The following CFAP77 variants were observed in gnomAD, a reference collection of about 807,000 sequenced individuals.
CFAP77 encodes cilia- and flagella-associated protein 77.
CFAP77 carries 25 observed loss-of-function variants against 31.1 expected under a neutral mutation model. The observed-to-expected ratio is 0.80, with a 90% CI of 0.59 to 1.12. The LOEUF (loss-of-function observed/expected upper bound fraction) is 1.12. Ranked by LOEUF, CFAP77 falls within the 50% of genes most tolerant of loss-of-function variation. The pLI is 0.00. For synonymous variants in CFAP77, 151 were observed against 159.9 expected (o/e 0.94, Z 0.42); for missense variants, 377 against 397.3 (o/e 0.95, Z 0.44).
chr9:132,475,851 G>T (rs1724802301), intron 1 of CFAP77, among the ~76,000 whole-genome samples: 1 of 152,140 alleles, frequency 6.6e-6, no homozygotes, highest in Non-Finnish European at 1.5e-5. Context: ...TTCCCAAACT[G>T]CAGTACTGAT....
intron 5 of CFAP77, among the ~76,000 whole-genome samples, chr9:132,543,754 G>C (rs1387374342): frequency 2.0e-5 from 3 of 152,210 alleles, no homozygotes; most frequent in Non-Finnish European, 4.4e-5. Context: ...TAAGGACCCA[G>C]GGAACACGCC....
intron 1 of CFAP77, among the ~76,000 whole-genome samples, chr9:132,491,032 G>C (rs1851645442): frequency 6.6e-6 from 1 of 152,094 alleles, no homozygotes. Context: ...CCCTGCGAGG[G>C]TGTGTGTTGG....
Position 132,552,256 on chromosome 9 carries a change from T to C in CFAP77, c.732+9209T>C, listed in dbSNP as rs1293729060. ...AGAGGACCAAGTGCAATCATGCGTG[T>C]GAAGCGCGTGGCACAGGCCTGGCTA... is the stretch of plus-strand genomic sequence containing the variant. On this transcript the variant is annotated intron_variant, in intron 5 of 5. Coordinates refer to ENST00000393216, the MANE Select transcript of CFAP77 (RefSeq NM_001282957.2). This position sits in a 1 kb window ranked among gnomAD's most constrained non-coding sequence, Gnocchi z 5.5. 6.6e-6 allele frequency among the ~76,000 whole-genome samples: 1 copy of C among 152,188 alleles called. No homozygotes were observed. The highest frequency in any genetic ancestry group is 2.4e-5 in the African/African-American group (1 of 41,450).
chr9:132,457,285 C>T (rs1247137460), intron 1 of CFAP77, among the ~76,000 whole-genome samples: 5 of 122,516 alleles, frequency 4.1e-5, no homozygotes, highest in Admixed American at 1.9e-4. Context: ...GACAGGCGGC[C>T]GCATCTTAAG....
intron 3 of CFAP77, among the ~76,000 whole-genome samples, chr9:132,535,845 T>C (rs991412530): frequency 3.3e-5 from 5 of 152,192 alleles, no homozygotes; most frequent in Non-Finnish European, 7.3e-5. Flanking sequence ...GCTAATCCTT[T>C]CTCTTTAATT....
rs750207490 is a variant in CFAP77, at chr9:132,511,420, A to G, written c.524+11820A>G. ...GCCACCCTGTGTGGCCACTGCCTGC[A>G]GACCTGAGCATCTCCCCCACCAGAC... On this transcript the variant is annotated intron_variant, in intron 3 of 5. Transcript: ENST00000393216. The surrounding 1 kb of genome is among the most constrained non-coding windows in gnomAD (Gnocchi z 5.8). Among the ~76,000 whole-genome samples, 1 of 152,230 alleles carries G rather than the reference A, an allele frequency of 6.6e-6. No homozygotes were observed. Among genetic ancestry groups the G allele is most frequent in the Non-Finnish European group, 1.5e-5 (1 of 68,042 alleles).
chr9:132,553,653 C>T (rs1042203828), intron 5 of CFAP77, among the ~76,000 whole-genome samples: 2 of 152,168 alleles, frequency 1.3e-5, no homozygotes, highest in African/African-American at 4.8e-5. Context: ...TCTTCATAGA[C>T]AACCAGGGTC....
At chr9:132,509,845 T>C (rs1852001573) in intron 3 of CFAP77, among the ~76,000 whole-genome samples, 1 of 151,830 alleles carries the variant, frequency 6.6e-6, no homozygotes, top group African/African-American at 2.4e-5. Context: ...GCCCCCATCT[T>C]TTCCCCCTTC....
intron 1 of CFAP77, among the ~76,000 whole-genome samples, chr9:132,432,167 G>A (rs1850421711): frequency 6.6e-6 from 1 of 152,164 alleles, no homozygotes; most frequent in Non-Finnish European, 1.5e-5. Flanking sequence ...TTGGCCCAGA[G>A]TCCTCTCTTA....
Position 132,480,895 on chromosome 9 carries a change from G to T in CFAP77, c.196-17800G>T, listed in dbSNP as rs1043434724. 6.6e-6 allele frequency among the ~76,000 whole-genome samples: 1 copy of T among 152,150 alleles called. No individual in the cohort carries two copies. The highest frequency in any genetic ancestry group is 1.5e-5 in the Non-Finnish European group (1 of 68,026). ...TAAGATGAGGCCAAGGCTAGGAGCA[G>T]AGGTGCCCCCATTGTGGTCCGGGGG... On this transcript the variant is annotated intron_variant, in intron 1 of 5. Coordinates refer to ENST00000393216, the MANE Select transcript of CFAP77 (RefSeq NM_001282957.2). This position sits in a 1 kb window ranked among gnomAD's most constrained non-coding sequence, Gnocchi z 5.8.
In CFAP77 at chr9:132,410,424, G is replaced by C; in HGVS notation, c.153G>C (p.Gly51=). ...IRSGMENERL[G]VVRDSMFQNP... ...CCGGCATGGAGAACGAGCGGCTGGGGGTCGTGCGGGACTCCATGTTTCAGA... is the reference window on the plus strand; with the variant it reads ...CCGGCATGGAGAACGAGCGGCTGGGCGTCGTGCGGGACTCCATGTTTCAGA... Residue 51 remains glycine (G), a synonymous_variant, in exon 1 of 6, where the codon GGG becomes GGC. Transcript: ENST00000393216. 1.3e-6 allele frequency: 2 copies of C among 1,599,426 alleles called. No individual in the cohort carries two copies. Among genetic ancestry groups the C allele is most frequent in the Non-Finnish European group, 1.7e-6 (2 of 1,174,516 alleles).
intron 1 of CFAP77, among the ~76,000 whole-genome samples, chr9:132,482,911 C>A (rs1019613085): frequency 6.7e-6 from 1 of 149,414 alleles, no homozygotes; most frequent in Non-Finnish European, 1.5e-5. Context: ...ATGTAACTAA[C>A]CTGCACATTG....
intron 1 of CFAP77, among the ~76,000 whole-genome samples, chr9:132,459,718 C>T (rs1044616322): frequency 4.8e-5 from 7 of 146,664 alleles, no homozygotes; most frequent in Non-Finnish European, 7.5e-5. Flanking sequence ...GTGTGTTTAC[C>T]TGTATGTATG....
chr9:132,516,574 T>C (rs894332067), intron 3 of CFAP77, among the ~76,000 whole-genome samples: 3 of 140,986 alleles, frequency 2.1e-5, no homozygotes, highest in African/African-American at 8.3e-5. Flanking sequence ...CAACACATGA[T>C]TAAACCACAC....
chr9:132,427,623 AC>A (rs1421958330), intron 1 of CFAP77, among the ~76,000 whole-genome samples: 1 of 152,112 alleles, frequency 6.6e-6, no homozygotes, highest in Non-Finnish European at 1.5e-5. Flanking sequence ...TCAAAAAAAA[AC>A]AACAACAAAA....
intron 1 of CFAP77, among the ~76,000 whole-genome samples, chr9:132,457,234 C>T (rs1242512143): frequency 2.0e-5 from 3 of 150,564 alleles, no homozygotes; most frequent in Non-Finnish European, 4.4e-5. Context: ...CCTGAGGACT[C>T]GCTCCCACGC....
intron 3 of CFAP77, among the ~76,000 whole-genome samples, chr9:132,518,538 T>C (rs932622574): frequency 1.3e-5 from 2 of 152,152 alleles, no homozygotes; most frequent in Non-Finnish European, 2.9e-5. Flanking sequence ...GGAGTCTCCA[T>C]CCTCCCTTCC....
intron 5 of CFAP77, among the ~76,000 whole-genome samples, chr9:132,553,266 C>T (rs1852850001): frequency 6.6e-6 from 1 of 152,170 alleles, no homozygotes. Flanking sequence ...CCCCAAGAGC[C>T]TTATCTCCAA....
chr9:132,503,752 T>A (rs1341106361), intron 3 of CFAP77, among the ~76,000 whole-genome samples: 2 of 152,148 alleles, frequency 1.3e-5, no homozygotes, highest in Non-Finnish European at 2.9e-5. Flanking sequence ...TTAGTATGTT[T>A]ATATTTAAAA....
Sources: allele counts gnomAD v4.1 joint callset (sites outside exome capture counted in the v4.1 genomes callset), GRCh38; gene constraint gnomAD v4.1.1; non-coding constraint Gnocchi (gnomAD v3.1); transcripts MANE v1.5; gene names NCBI Gene and HGNC (gene_info 2026-07-23, HGNC 2026-07-21).